SLC12A7: variants seen among roughly 807,000 people sequenced by gnomAD.
SLC12A7 encodes the protein solute carrier family 12 member 7.
Under a neutral mutation model 120.6 loss-of-function variants are expected in SLC12A7, and 100 were observed. The ratio of observed to expected loss-of-function variants is 0.83; its 90% CI spans 0.71 to 0.98. SLC12A7 has a LOEUF of 0.98. Ranked by LOEUF, SLC12A7 falls within the 50% of genes least tolerant of loss-of-function variation. The pLI is 0.00. For missense variants in SLC12A7, 1,373 were observed against 1,548.1 expected (o/e 0.89, Z 1.90); for synonymous variants, 760 against 678.0 (o/e 1.12, Z -1.88).
At chr5:1,058,072 C>T (rs1432122832) in intron 21 of SLC12A7, among the ~76,000 whole-genome samples, 1 of 152,244 alleles carries the variant, frequency 6.6e-6, no homozygotes, top group African/African-American at 2.4e-5. Context: ...CATCCAGGCC[C>T]TGTCCCCGGG....
chr5:1,151,972 C>T, the SLC12A7 span, among the ~76,000 whole-genome samples: 1 of 152,334 alleles, frequency 6.6e-6, no homozygotes. The surrounding 1 kb of genome is among the most constrained non-coding windows in gnomAD (Gnocchi z 6.2). Context: ...CTGTCATCGG[C>T]ATCCCTTCAC....
the SLC12A7 span, among the ~76,000 whole-genome samples, chr5:1,141,847 A>G: frequency 6.6e-6 from 1 of 152,200 alleles, no homozygotes; most frequent in African/African-American, 2.4e-5. Flanking sequence ...GAACAAATTC[A>G]GAACAAAATG....
At chr5:1,089,240 G>C in intron 3 of SLC12A7, 112 bp from the exon 4 acceptor site, 2 of 1,187,626 alleles carry the variant, frequency 1.7e-6, no homozygotes, top group South Asian at 1.5e-5. Context: ...GGGGCAGGAG[G>C]GGGCAGGAGT....
In SLC12A7 at chr5:1,082,876, A is replaced by G. The variant is rs372285427; in HGVS notation, c.1129+869T>C. On this transcript the variant is annotated intron_variant, in intron 8 of 23. Transcript: ENST00000264930. ...TCCCGTCTCGGGTTCTGGAAAGTCCAGGCTTCCCGTCTCGGGTTCTGGAAA... is the reference window on the plus strand; with the variant it reads ...TCCCGTCTCGGGTTCTGGAAAGTCCGGGCTTCCCGTCTCGGGTTCTGGAAA... 6.3e-3 allele frequency among the ~76,000 whole-genome samples: 359 copies of G among 57,292 alleles called. 2 individuals carry two copies. Among genetic ancestry groups the G allele is most frequent in the Middle Eastern group, 0.018 (1 of 56 alleles). 37.6% of individuals were successfully genotyped at this position (57,292 alleles called of 152,430 possible). A position where few individuals can be genotyped will look rare whatever the true frequency, so the allele number is the denominator to read the frequency against.
intron 18 of SLC12A7, 45 bp downstream of exon 18, chr5:1,065,236 CAG>C (rs746708854): frequency 8.6e-6 from 12 of 1,400,670 alleles, no homozygotes; most frequent in East Asian, 7.2e-5. Flanking sequence ...TGAGAGGACA[CAG>C]AGGGGACGGT....
In SLC12A7 at chr5:1,050,399, T is replaced by G; in HGVS notation, c.*1961A>C. ...TTCAACGTACTCAGATTTCATAGGA[T>G]TTTATTTTTCTACTAACACAGACAG... On this transcript the variant is annotated 3_prime_UTR_variant, in exon 24 of 24. Coordinates refer to ENST00000264930, the MANE Select transcript of SLC12A7 (RefSeq NM_006598.3). 6.5e-6 allele frequency: 1 copy of G among 154,252 alleles called. No individual in the cohort carries two copies. Among genetic ancestry groups the G allele is most frequent in the Non-Finnish European group, 1.4e-5 (1 of 69,434 alleles). 9.6% of individuals were successfully genotyped at this position (154,252 alleles called of 1,614,324 possible). A position where few individuals can be genotyped will look rare whatever the true frequency, so the allele number is the denominator to read the frequency against.
At chr5:1,105,947 G>T (rs1394049278) in intron 1 of SLC12A7, among the ~76,000 whole-genome samples, 1 of 152,138 alleles carries the variant, frequency 6.6e-6, no homozygotes, top group Non-Finnish European at 1.5e-5. Flanking sequence ...ACCCCTCAAG[G>T]CCCTGGCGGG....
the SLC12A7 span, among the ~76,000 whole-genome samples, chr5:1,147,800 T>C: frequency 6.6e-6 from 1 of 151,668 alleles, no homozygotes; most frequent in African/African-American, 2.4e-5. Context: ...CTGAGAGTAG[T>C]ATCTCAATCA....
At chr5:1,092,064 C>T (rs1032376885) in intron 3 of SLC12A7, among the ~76,000 whole-genome samples, 2 of 152,250 alleles carry the variant, frequency 1.3e-5, no homozygotes, top group African/African-American at 4.8e-5. Context: ...CAGGCCAGGC[C>T]CCACCCCAAG....
At chr5:1,060,193 A>AG (rs1442055001) in intron 21 of SLC12A7, 151 bp downstream of exon 21, 1 of 636,416 alleles carries the variant, frequency 1.6e-6, no homozygotes, top group East Asian at 2.7e-5. Flanking sequence ...TGCCACCTCC[A>AG]CGCAGGCTGG....
the SLC12A7 span, among the ~76,000 whole-genome samples, chr5:1,155,050 C>T: frequency 3.9e-4 from 60 of 152,302 alleles, no homozygotes; most frequent in Non-Finnish European, 7.8e-4. Flanking sequence ...CCACTGGAAG[C>T]GGGCTTGGCT....
chr5:1,119,805 T>G, the SLC12A7 span, among the ~76,000 whole-genome samples: 1 of 152,256 alleles, frequency 6.6e-6, no homozygotes, highest in Non-Finnish European at 1.5e-5. Flanking sequence ...CCACCGGCGC[T>G]GTCCTGTGAT....
chr5:1,077,729 C>T, intron 12 of SLC12A7, 104 bp downstream of exon 12: 1 of 1,230,252 alleles, frequency 8.1e-7, no homozygotes, highest in Non-Finnish European at 1.1e-6. Flanking sequence ...GGGGTCCAAG[C>T]CGCGGGCATG....
chr5:1,090,178 ACAC>A (rs1353915184), intron 3 of SLC12A7, among the ~76,000 whole-genome samples: 1 of 152,208 alleles, frequency 6.6e-6, no homozygotes, highest in Non-Finnish European at 1.5e-5. Flanking sequence ...AGCACGCTGA[ACAC>A]CACATCACAA....
At chr5:1,102,257 C>G (rs930205238) in intron 1 of SLC12A7, among the ~76,000 whole-genome samples, 7 of 152,328 alleles carry the variant, frequency 4.6e-5, no homozygotes, top group Middle Eastern at 3.4e-3. Flanking sequence ...GATCCCTGAC[C>G]CATCCCGATC....
At chr5:1,057,729 G>T in intron 21 of SLC12A7, 80 bp from the exon 22 acceptor site, 2 of 1,375,542 alleles carry the variant, frequency 1.5e-6, no homozygotes, top group Non-Finnish European at 2.0e-6. Flanking sequence ...CCAGGCCGGA[G>T]GTGAGGGCAG....
chr5:1,101,546 C>T (rs1233143533), intron 1 of SLC12A7, among the ~76,000 whole-genome samples: 1 of 152,252 alleles, frequency 6.6e-6, no homozygotes, highest in Non-Finnish European at 1.5e-5. Context: ...CTGCCCTCCT[C>T]CTCAGCCATG....
At chr5:1,122,790 C>T in the SLC12A7 span, among the ~76,000 whole-genome samples, 10 of 152,394 alleles carry the variant, frequency 6.6e-5, no homozygotes, top group East Asian at 5.8e-4. Flanking sequence ...ACTGTCTGGA[C>T]GGGCACGTTT....
chr5:1,110,734 G>GTGT (rs1742935150), intron 1 of SLC12A7, among the ~76,000 whole-genome samples: 3 of 152,232 alleles, frequency 2.0e-5, no homozygotes, highest in Admixed American at 2.0e-4. Context: ...ACTTCACCTG[G>GTGT]TGTTGAGCCT....
Sources: allele counts gnomAD v4.1 joint callset (sites outside exome capture counted in the v4.1 genomes callset), GRCh38; gene constraint gnomAD v4.1.1; non-coding constraint Gnocchi (gnomAD v3.1); transcripts MANE v1.5; gene names NCBI Gene and HGNC (gene_info 2026-07-23, HGNC 2026-07-21).